DLGAP4: variants seen among roughly 807,000 people sequenced by gnomAD.
DLGAP4 encodes the protein DLG associated protein 4.
In DLGAP4, 18 loss-of-function variants were observed where a neutral mutation model predicts 86.9. That is an observed-to-expected ratio of 0.21 (90% CI 0.14 to 0.31). The LOEUF (loss-of-function observed/expected upper bound fraction) is 0.31. Among genes scored for constraint, DLGAP4 ranks in the 10% least tolerant of loss-of-function variants. The pLI, the probability that DLGAP4 is intolerant of heterozygous loss-of-function variation, is 1.00. For synonymous variants in DLGAP4, 548 were observed against 574.3 expected (o/e 0.95, Z 0.65); for missense variants, 1,085 against 1,362.6 (o/e 0.80, Z 3.21).
chr20:36,464,143 C>T (rs2034232189), intron 7 of DLGAP4, among the ~76,000 whole-genome samples: 2 of 152,220 alleles, frequency 1.3e-5, no homozygotes, highest in African/African-American at 4.8e-5. Flanking sequence ...GTGAGGGGTG[C>T]AGGATCCCAG....
At chr20:36,458,474 G>A (rs73618583) in intron 7 of DLGAP4, among the ~76,000 whole-genome samples, 5 of 142,834 alleles carry the variant, frequency 3.5e-5, no homozygotes, top group East Asian at 2.3e-4. Flanking sequence ...TGATCCACCC[G>A]CCTCAGCCTC....
intron 1 of DLGAP4, among the ~76,000 whole-genome samples, chr20:36,320,227 C>A (rs1479294283): frequency 6.8e-6 from 1 of 146,654 alleles, no homozygotes; most frequent in Non-Finnish European, 1.5e-5. Context: ...CTCCTCCAGG[C>A]CCCCCTCTGT....
intron 1 of DLGAP4, among the ~76,000 whole-genome samples, chr20:36,328,474 GTT>G (rs111240421): frequency 2.8e-5 from 4 of 142,056 alleles, no homozygotes; most frequent in African/African-American, 2.6e-5. Context: ...AAACTGGCAG[GTT>G]TTTTTTTTTT....
chr20:36,403,748 T>C (rs1373065699), intron 2 of DLGAP4, among the ~76,000 whole-genome samples: 3 of 152,228 alleles, frequency 2.0e-5, no homozygotes, highest in Non-Finnish European at 2.9e-5. Context: ...AGGACCAGCT[T>C]AGCTAGGTGG....
At chr20:36,515,063 G>A (rs2036957443) in intron 10 of DLGAP4, among the ~76,000 whole-genome samples, 1 of 152,160 alleles carries the variant, frequency 6.6e-6, no homozygotes, top group African/African-American at 2.4e-5. Context: ...ACTGAGATTA[G>A]GTGTGAAGGC....
Position 36,306,501 on chromosome 20 carries a change from C to A in DLGAP4, c.-315C>A, listed in dbSNP as rs1262757373. On this transcript the variant is annotated 5_prime_UTR_variant, in exon 1 of 13. Transcript: ENST00000339266. This position sits in a 1 kb window ranked among gnomAD's most constrained non-coding sequence, Gnocchi z 4.9. ...CAGAGCGGGCCGGAGGCGGCCGAGG[C>A]GCCCGGCGCAGGTGAGGGCGCGGGG... The A allele has an allele frequency of 2.6e-5, 4 of 151,328 alleles. No individual in the cohort carries two copies. Among genetic ancestry groups the A allele is most frequent in the African/African-American group, 9.7e-5 (4 of 41,254 alleles). The allele number at this position is 151,328 out of a possible 1,614,324, so 9.4% of individuals were successfully genotyped here. A position where few individuals can be genotyped will look rare whatever the true frequency, so the allele number is the denominator to read the frequency against.
chr20:36,483,573 T>A (rs575325831), intron 7 of DLGAP4, among the ~76,000 whole-genome samples: 2 of 152,344 alleles, frequency 1.3e-5, no homozygotes, highest in East Asian at 3.9e-4. Flanking sequence ...GAAATGGGGC[T>A]GTTCTGAGGG....
chr20:36,392,512 C>A (rs1054705850), intron 2 of DLGAP4, among the ~76,000 whole-genome samples: 2 of 118,192 alleles, frequency 1.7e-5, no homozygotes, highest in Non-Finnish European at 3.7e-5. Flanking sequence ...GCTGGGATTA[C>A]AGCATGCACC....
chr20:36,399,054 A>G (rs1473074308), intron 2 of DLGAP4, among the ~76,000 whole-genome samples: 1 of 152,154 alleles, frequency 6.6e-6, no homozygotes, highest in Non-Finnish European at 1.5e-5. Context: ...TTAGCTAGGC[A>G]TGGTGGTGCA....
intron 1 of DLGAP4, among the ~76,000 whole-genome samples, chr20:36,333,514 A>T (rs1243814294): frequency 2.0e-5 from 3 of 152,076 alleles, no homozygotes; most frequent in African/African-American, 7.2e-5. Flanking sequence ...CTGGGTGGTC[A>T]TGGCTGTGCT....
At chr20:36,319,722 TGC>T (rs1214836234) in intron 1 of DLGAP4, among the ~76,000 whole-genome samples, 8 of 152,160 alleles carry the variant, frequency 5.3e-5, no homozygotes, top group Admixed American at 5.2e-4. Flanking sequence ...CCTTTCTTGC[TGC>T]CCAACTCCTT....
intron 1 of DLGAP4, among the ~76,000 whole-genome samples, chr20:36,341,620 G>A (rs376366691): frequency 1.2e-4 from 19 of 152,362 alleles, no homozygotes; most frequent in South Asian, 1.0e-3. Flanking sequence ...AAGGGCACGC[G>A]GCTCCCGCGG....
intron 6 of DLGAP4, among the ~76,000 whole-genome samples, chr20:36,445,287 C>G (rs1468652343): frequency 6.6e-6 from 1 of 151,940 alleles, no homozygotes; most frequent in East Asian, 1.9e-4. Context: ...GGGCAGATCA[C>G]GAGGTCAGGA....
intron 8 of DLGAP4, chr20:36,499,210 CT>C (rs372633959): frequency 0.074 from 76,613 of 1,035,064 alleles, 4 homozygotes; most frequent in East Asian, 0.095. Context: ...TTTCGTCGTC[CT>C]TTTTTTTTTT....
intron 1 of DLGAP4, among the ~76,000 whole-genome samples, chr20:36,317,295 A>ATCTTTCTTTCTT (rs2065117164): frequency 2.1e-4 from 5 of 23,490 alleles, no homozygotes; most frequent in African/African-American, 9.2e-4. Flanking sequence ...TTTCTTTCTT[A>ATCTTTCTTTCTT]TCTTTCTTTC....
rs2037892058 is a variant in DLGAP4 at position 36,528,257 on chromosome 20, G to GC, written c.*1231dup. 6.6e-6 allele frequency: 1 copy of GC among 150,544 alleles called. No individual in the cohort carries two copies. Among genetic ancestry groups the GC allele is most frequent in the African/African-American group, 2.5e-5 (1 of 40,342 alleles). 9.3% of individuals were successfully genotyped at this position (150,544 alleles called of 1,614,324 possible). A position where few individuals can be genotyped will look rare whatever the true frequency, so the allele number is the denominator to read the frequency against. On this transcript the variant is annotated 3_prime_UTR_variant, in exon 13 of 13. Transcript: ENST00000339266. The stretch of plus-strand genomic sequence containing the variant: ...CCCCAATTATCCTTCTCTCTCTCCT[G>GC]CCCCCGCATCCCACTCCCAGGGTGT...
At chr20:36,466,120 C>A (rs1432866126) in intron 7 of DLGAP4, among the ~76,000 whole-genome samples, 1 of 152,226 alleles carries the variant, frequency 6.6e-6, no homozygotes, top group African/African-American at 2.4e-5. Context: ...GCAGGAATCA[C>A]ATGCCCCTAG....
chr20:36,501,292 C>T (rs1269692197), intron 10 of DLGAP4, among the ~76,000 whole-genome samples: 1 of 152,132 alleles, frequency 6.6e-6, no homozygotes, highest in Non-Finnish European at 1.5e-5. Context: ...TCTCGAACTC[C>T]TGACCTCAGG....
At chr20:36,340,261 G>A (rs964794717) in intron 1 of DLGAP4, among the ~76,000 whole-genome samples, 10 of 152,186 alleles carry the variant, frequency 6.6e-5, no homozygotes, top group African/African-American at 1.2e-4. Context: ...TCCGTTTCTC[G>A]GGAACTTCTG....
Sources: gnomAD v4.1 joint callset for allele counts (sites outside exome capture counted in the v4.1 genomes callset) on GRCh38, gnomAD v4.1.1 for gene constraint, Gnocchi (gnomAD v3.1) non-coding constraint, MANE v1.5 for transcripts, NCBI Gene and HGNC (gene_info 2026-07-23, HGNC 2026-07-21) for gene names.